Variants in HECW2 observed in about 807,000 individuals in gnomAD.
HECW2 encodes E3 ubiquitin-protein ligase HECW2.
A neutral mutation model predicts 175.2 loss-of-function variants in HECW2; 61 were observed. That is an observed-to-expected ratio of 0.35 (90% CI 0.28 to 0.43). The LOEUF (loss-of-function observed/expected upper bound fraction) is 0.43. Ranked by LOEUF, HECW2 falls within the 20% of genes least tolerant of loss-of-function variation. The probability of loss-of-function intolerance (pLI) is 1.00; values close to 1 mark genes in which losing one functional copy is unlikely to be tolerated. For synonymous variants in HECW2, 671 were observed against 731.0 expected, an observed-to-expected ratio of 0.92 and a Z score of 1.32; for missense variants, 1,524 against 2,000.5, an observed-to-expected ratio of 0.76 and a Z score of 4.54.
chr2:196,295,517 A>G (rs1259971161), intron 13 of HECW2, among the ~76,000 whole-genome samples: 1 of 152,168 alleles, frequency 6.6e-6, no homozygotes, highest in Non-Finnish European at 1.5e-5. Context: ...AACAAATATT[A>G]AGTCTCTTCA....
chr2:196,377,953 T>A (rs1256198954), intron 2 of HECW2, among the ~76,000 whole-genome samples: 1 of 152,218 alleles, frequency 6.6e-6, no homozygotes, highest in African/African-American at 2.4e-5. Flanking sequence ...TTTACTCAGA[T>A]GCAGTCTCAC....
intron 1 of HECW2, among the ~76,000 whole-genome samples, chr2:196,583,475 A>C (rs1168670186): frequency 2.0e-5 from 3 of 152,208 alleles, no homozygotes; most frequent in Admixed American, 1.3e-4. Context: ...AAATTCAATA[A>C]GTCTGGTGTG....
At chr2:196,345,601 C>A (rs1458676628) in intron 2 of HECW2, among the ~76,000 whole-genome samples, 1 of 152,156 alleles carries the variant, frequency 6.6e-6, no homozygotes, top group Non-Finnish European at 1.5e-5. Flanking sequence ...TCCATTGAGC[C>A]CTGACCCACC....
chr2:196,318,829 C>G lies in HECW2; in HGVS notation c.2061G>C (p.Glu687Asp). Residue 687 changes from glutamate to aspartate, a missense_variant, in exon 9 of 29, where the codon GAG becomes GAC. Physicochemically the swap from Glu to Asp is conservative, Grantham distance 45 (BLOSUM62 2). Coordinates refer to ENST00000644978, the MANE Select transcript of HECW2 (RefSeq NM_001348768.2). ...QEEEDGACAA[E>D]PTSSGPAEGS... ...CTTCGGCAGGGCCACTGCTGGTGGG[C>G]TCTGCTGCACAGGCTCCGTCTTCCT... is the stretch of plus-strand genomic sequence containing the variant. 6.5e-7 allele frequency: 1 copy of G among 1,539,672 alleles called. No individual in the cohort carries two copies. Among genetic ancestry groups the G allele is most frequent in the South Asian group, 1.3e-5 (1 of 78,558 alleles).
At chr2:196,495,908 A>T (rs951830429) in intron 1 of HECW2, among the ~76,000 whole-genome samples, 17 of 152,298 alleles carry the variant, frequency 1.1e-4, no homozygotes, top group South Asian at 4.1e-4. Context: ...GAAAGTATAA[A>T]ATAGACTGTA....
intron 14 of HECW2, among the ~76,000 whole-genome samples, chr2:196,281,944 C>A (rs1245236989): frequency 2.6e-5 from 4 of 152,144 alleles, no homozygotes; most frequent in African/African-American, 7.2e-5. Flanking sequence ...AAATGGGGAT[C>A]ATAACTACAT....
chr2:196,560,451 C>T (rs1010007642), intron 1 of HECW2, among the ~76,000 whole-genome samples: 4 of 152,028 alleles, frequency 2.6e-5, no homozygotes, highest in Non-Finnish European at 5.9e-5. Context: ...CCAGCCTTAA[C>T]CACTGTTTCT....
At chr2:196,341,469 T>C (rs918491361) in intron 3 of HECW2, among the ~76,000 whole-genome samples, 1 of 152,238 alleles carries the variant, frequency 6.6e-6, no homozygotes, top group Non-Finnish European at 1.5e-5. Flanking sequence ...CTTCATTACT[T>C]AGATAGTCGT....
chr2:196,325,869 T>C (rs1559043218), intron 5 of HECW2, among the ~76,000 whole-genome samples: 5 of 152,206 alleles, frequency 3.3e-5, no homozygotes, highest in South Asian at 4.1e-4. Flanking sequence ...TTTCACACTA[T>C]ATGCTGCTAA....
At chr2:196,395,406 C>T (rs1157719891) in intron 2 of HECW2, among the ~76,000 whole-genome samples, 1 of 151,998 alleles carries the variant, frequency 6.6e-6, no homozygotes, top group East Asian at 1.9e-4. Context: ...AAAACACTAT[C>T]GACAGAATGG....
chr2:196,326,938 T>A (rs1028046916), intron 5 of HECW2, among the ~76,000 whole-genome samples: 2 of 152,238 alleles, frequency 1.3e-5, no homozygotes, highest in African/African-American at 4.8e-5. Flanking sequence ...AGTTTAATGA[T>A]GCTACTTTCA....
At chr2:196,309,653 A>G (rs1691408997) in intron 10 of HECW2, among the ~76,000 whole-genome samples, 1 of 152,194 alleles carries the variant, frequency 6.6e-6, no homozygotes, top group Non-Finnish European at 1.5e-5. Context: ...AGTCAGGGTA[A>G]TTCAGGCACA....
intron 19 of HECW2, among the ~76,000 whole-genome samples, chr2:196,244,033 A>T (rs1464162314): frequency 6.6e-6 from 1 of 152,244 alleles, no homozygotes; most frequent in Admixed American, 6.5e-5. Context: ...CAACCAATGA[A>T]AGAAACCAGA....
intron 9 of HECW2, 29 bp from the exon 10 acceptor site, chr2:196,317,398 T>A: frequency 6.7e-7 from 1 of 1,501,810 alleles, no homozygotes; most frequent in South Asian, 1.2e-5. Context: ...AGTTACCAGG[T>A]ATTGTTTTCT....
At chr2:196,391,848 A>T (rs1032399519) in intron 2 of HECW2, among the ~76,000 whole-genome samples, 3 of 152,132 alleles carry the variant, frequency 2.0e-5, no homozygotes, top group Admixed American at 6.5e-5. Context: ...CTAGCTTCTG[A>T]TGGTTGTTGG....
At chr2:196,368,812 T>C (rs577046166) in intron 2 of HECW2, among the ~76,000 whole-genome samples, 1 of 152,146 alleles carries the variant, frequency 6.6e-6, no homozygotes, top group African/African-American at 2.4e-5. Flanking sequence ...GAGTTTCTGC[T>C]TGACTCTTTT....
chr2:196,415,051 G>A (rs544997279), intron 2 of HECW2, among the ~76,000 whole-genome samples: 45 of 152,152 alleles, frequency 3.0e-4, no homozygotes, highest in Non-Finnish European at 4.8e-4. Flanking sequence ...ATGCCTCACT[G>A]TCCAAGCAGG....
At chr2:196,523,662 T>C (rs1222153234) in intron 1 of HECW2, among the ~76,000 whole-genome samples, 4 of 151,484 alleles carry the variant, frequency 2.6e-5, no homozygotes, top group Non-Finnish European at 5.9e-5. Context: ...CAATACCTAA[T>C]TTATTGAGAG....
intron 17 of HECW2, chr2:196,258,179 A>G (rs1330773089): frequency 2.5e-6 from 1 of 402,840 alleles, no homozygotes; most frequent in Non-Finnish European, 4.5e-6. Context: ...AAGTACTATA[A>G]ATAGTATACT....
Sources: gnomAD v4.1 joint callset for allele counts (sites outside exome capture counted in the v4.1 genomes callset) on GRCh38, gnomAD v4.1.1 for gene constraint, MANE v1.5 for transcripts, NCBI Gene and HGNC (gene_info 2026-07-23, HGNC 2026-07-21) for gene names.